KCNIP3: variants seen among roughly 807,000 people sequenced by gnomAD.
KCNIP3 encodes the protein potassium voltage-gated channel interacting protein 3.
Under a neutral mutation model 35.0 loss-of-function variants are expected in KCNIP3, and 28 were observed. The ratio of observed to expected loss-of-function variants is 0.80; its 90% confidence interval spans 0.59 to 1.10. KCNIP3 has a LOEUF of 1.10. Among genes scored for constraint, KCNIP3 ranks in the 50% least tolerant of loss-of-function variants. KCNIP3 has a pLI of 0.00. For synonymous variants in KCNIP3, 134 were observed against 133.8 expected, an observed-to-expected ratio of 1.00 and a Z score of -0.01; for missense variants, 295 against 338.4, an observed-to-expected ratio of 0.87 and a Z score of 1.01.
intron 2 of KCNIP3, among the ~76,000 whole-genome samples, chr2:95,344,715 C>G (rs1180404465): frequency 6.6e-6 from 1 of 152,216 alleles, no homozygotes; most frequent in Admixed American, 6.5e-5. Context: ...TGAAGCTGGG[C>G]ACATGCAGCT....
At chr2:95,323,523 G>A (rs1025811393) in intron 2 of KCNIP3, among the ~76,000 whole-genome samples, 1 of 151,854 alleles carries the variant, frequency 6.6e-6, no homozygotes, top group East Asian at 1.9e-4. Flanking sequence ...GCGGGTGCAG[G>A]AGTGCTCTCT....
intron 2 of KCNIP3, among the ~76,000 whole-genome samples, chr2:95,352,565 C>T (rs1427392157): frequency 6.6e-6 from 1 of 152,158 alleles, no homozygotes; most frequent in Admixed American, 6.5e-5. Context: ...CCCCCCAGCC[C>T]TCCCTCTCCA....
rs768208163 is a variant in KCNIP3 at position 95,381,641 on chromosome 2, G to C, written c.493G>C (p.Glu165Gln). 1.6e-5 allele frequency: 26 copies of C among 1,614,008 alleles called. No individual in the cohort carries two copies. The highest frequency in any genetic ancestry group is 1.3e-4 in the East Asian group (6 of 44,898). ...CATCCTGCTGCGGGGCACAGTCCAC[G>C]AGAAGCTCAAGTGGGCCTTTAATCT... Reference protein sequence around the residue: ...LSILLRGTVHEKLKWAFNLYD... With the variant: ...LSILLRGTVHQKLKWAFNLYD... Residue 165 changes from glutamate to glutamine, a missense_variant, in exon 6 of 9, where the codon GAG (glutamate) becomes CAG (glutamine). By Grantham distance (29) the Glu-to-Gln change is conservative (BLOSUM62 2). Coordinates refer to ENST00000295225, the MANE Select transcript of KCNIP3 (RefSeq NM_013434.5).
chr2:95,333,655 C>T (rs994544607), intron 2 of KCNIP3, among the ~76,000 whole-genome samples: 1 of 152,182 alleles, frequency 6.6e-6, no homozygotes, highest in African/African-American at 2.4e-5. Context: ...GGTGAGGATT[C>T]AATGATACTA....
chr2:95,310,599 A>C, intron 2 of KCNIP3, 79 bp downstream of exon 2: 1 of 1,550,008 alleles, frequency 6.5e-7, no homozygotes, highest in Non-Finnish European at 8.9e-7. Context: ...GAGGGCTCAA[A>C]GGCCAGCCTG....
intron 2 of KCNIP3, among the ~76,000 whole-genome samples, chr2:95,328,758 T>C (rs1233759880): frequency 6.6e-6 from 1 of 152,196 alleles, no homozygotes; most frequent in Non-Finnish European, 1.5e-5. Context: ...CAGGCATTGC[T>C]CCCCAGTACC....
At chr2:95,383,419 C>A in intron 8 of KCNIP3, 125 bp downstream of exon 8, 1 of 949,072 alleles carries the variant, frequency 1.1e-6, no homozygotes, top group Non-Finnish European at 1.6e-6. Flanking sequence ...TGGCAGCTGT[C>A]CTTGGCCCCT....
chr2:95,349,035 T>TACTCA (rs1679446057), intron 2 of KCNIP3, among the ~76,000 whole-genome samples: 1 of 152,096 alleles, frequency 6.6e-6, no homozygotes, highest in Admixed American at 6.5e-5. Context: ...ATGTGAGTGG[T>TACTCA]ACTCACAATA....
At chr2:95,318,364 T>A (rs1678510347) in intron 2 of KCNIP3, among the ~76,000 whole-genome samples, 1 of 152,118 alleles carries the variant, frequency 6.6e-6, no homozygotes. Flanking sequence ...TCCTCTTCCA[T>A]CAAAGGCAGA....
Position 95,347,223 on chromosome 2 carries a change from G to A in KCNIP3, c.182-27073G>A, listed in dbSNP as rs1679398322. ...CGCCGGGGTGCACTGGTCTGGCGAG[G>A]AGCGGCCTGGGCCGCCGCCCCCTCC... On this transcript the variant is annotated intron_variant, in intron 2 of 8. Coordinates refer to ENST00000295225, the MANE Select transcript of KCNIP3 (RefSeq NM_013434.5). 1.9e-5 allele frequency: 20 copies of A among 1,075,878 alleles called. No homozygotes were observed. In the South Asian group the frequency reaches 2.9e-4, roughly 16 times the overall value. The allele number at this position is 1,075,878 out of a possible 1,614,324, so 66.6% of individuals were successfully genotyped here. A position where few individuals can be genotyped will look rare whatever the true frequency, so the allele number is the denominator to read the frequency against.
chr2:95,324,277 C>A (rs879738423), intron 2 of KCNIP3, among the ~76,000 whole-genome samples: 1 of 152,056 alleles, frequency 6.6e-6, no homozygotes, highest in Non-Finnish European at 1.5e-5. Flanking sequence ...TTTGGGAGGC[C>A]GAGGCAGGCG....
At chr2:95,326,962 C>A (rs574220478) in intron 2 of KCNIP3, among the ~76,000 whole-genome samples, 30 of 152,320 alleles carry the variant, frequency 2.0e-4, no homozygotes, top group African/African-American at 7.2e-4. Context: ...CCTCGGTTTA[C>A]GGGTCGCCTC....
In KCNIP3 at chr2:95,377,802, A is replaced by G. The variant is rs949270098; in HGVS notation, c.447+2594A>G. Among the ~76,000 whole-genome samples the G allele has an allele frequency of 1.3e-5, 2 of 152,212 alleles. No homozygotes were observed. Among genetic ancestry groups the G allele is most frequent in the Non-Finnish European group, 2.9e-5 (2 of 68,038 alleles). On this transcript the variant is annotated intron_variant, in intron 5 of 8. Transcript: ENST00000295225. This position sits in a 1 kb window ranked among gnomAD's most constrained non-coding sequence, Gnocchi z 4.7. The stretch of plus-strand genomic sequence containing the variant: ...TCACTACTGTAGCCAACACACAGAG[A>G]GAGGCTAAGGGATACTGCATAGGGA...
At chr2:95,367,894 T>TAAGCCTCCCGAGTAGTA (rs1679954690) in intron 2 of KCNIP3, among the ~76,000 whole-genome samples, 1 of 152,026 alleles carries the variant, frequency 6.6e-6, no homozygotes, top group African/African-American at 2.4e-5. Context: ...CCCGAGTAGC[T>TAAGCCTCCCGAGTAGTA]GGGATTACAG....
intron 2 of KCNIP3, chr2:95,355,276 T>A (rs540356275): frequency 1.3e-5 from 2 of 152,298 alleles, no homozygotes; most frequent in South Asian, 4.2e-4. Context: ...GTGTGGAGAC[T>A]GCATGTGTGA....
intron 2 of KCNIP3, among the ~76,000 whole-genome samples, chr2:95,325,639 ACG>A (rs1192716298): frequency 6.6e-6 from 1 of 151,846 alleles, no homozygotes; most frequent in Non-Finnish European, 1.5e-5. Flanking sequence ...ACACACACAC[ACG>A]CATACACACA....
At chr2:95,309,482 G>A (rs1283501706) in intron 1 of KCNIP3, among the ~76,000 whole-genome samples, 1 of 149,200 alleles carries the variant, frequency 6.7e-6, no homozygotes, top group Non-Finnish European at 1.5e-5. Context: ...GGAGTGCAGT[G>A]GCATGATCTC....
chr2:95,310,318 C>G, intron 1 of KCNIP3, 37 bp from the exon 2 acceptor site: 1 of 1,613,124 alleles, frequency 6.2e-7, no homozygotes, highest in South Asian at 1.1e-5. Context: ...CCCCTCTGAG[C>G]AGGGGCTCAG....
At chr2:95,365,223 A>G (rs1679889844) in intron 2 of KCNIP3, among the ~76,000 whole-genome samples, 1 of 143,188 alleles carries the variant, frequency 7.0e-6, no homozygotes. Context: ...TTACGGTGAC[A>G]TGATCTCAGC....
Sources: allele counts gnomAD v4.1 joint callset (sites outside exome capture counted in the v4.1 genomes callset), GRCh38; gene constraint gnomAD v4.1.1; non-coding constraint Gnocchi (gnomAD v3.1); transcripts MANE v1.5; gene names NCBI Gene and HGNC (gene_info 2026-07-23, HGNC 2026-07-21).